The following ADARB2 variants were observed in gnomAD, a reference collection of about 807,000 sequenced individuals.
ADARB2 encodes the protein adenosine deaminase RNA specific B2 (inactive).
A neutral mutation model predicts 62.2 loss-of-function variants in ADARB2; 25 were observed. That is an observed-to-expected ratio of 0.40 (90% confidence interval 0.29 to 0.56). The LOEUF (loss-of-function observed/expected upper bound fraction) is 0.56, where lower values mean the gene tolerates loss of function less well. Among genes scored for constraint, ADARB2 ranks in the 20% least tolerant of loss-of-function variants. ADARB2 has a pLI of 0.43. For missense variants in ADARB2, 1,071 were observed against 1,077.4 expected (o/e 0.99, Z 0.08); for synonymous variants, 572 against 500.8 (o/e 1.14, Z -1.90).
At chr10:1,679,094 A>T (rs1834504726) in intron 1 of ADARB2, among the ~76,000 whole-genome samples, 2 of 152,190 alleles carry the variant, frequency 1.3e-5, no homozygotes, top group Non-Finnish European at 2.9e-5. Flanking sequence ...CCATTTCCAG[A>T]GAGGCAGCTT....
intron 1 of ADARB2, among the ~76,000 whole-genome samples, chr10:1,665,883 C>T (rs919858935): frequency 1.3e-5 from 2 of 152,146 alleles, no homozygotes; most frequent in Non-Finnish European, 1.5e-5. Context: ...GCCTCCAGGC[C>T]CACAGTAAAT....
intron 1 of ADARB2, among the ~76,000 whole-genome samples, chr10:1,522,774 A>G (rs1348298024): frequency 6.6e-6 from 1 of 152,088 alleles, no homozygotes; most frequent in African/African-American, 2.4e-5. Context: ...AGACTGTTGC[A>G]CTTCTACTTC....
chr10:1,234,515 A>C (rs887573105), intron 5 of ADARB2, among the ~76,000 whole-genome samples: 29 of 151,604 alleles, frequency 1.9e-4, no homozygotes, highest in Non-Finnish European at 3.1e-4. Flanking sequence ...ATCACGGCTC[A>C]CTGTAGCCTC....
rs763862208 is a variant in ADARB2, at chr10:1,737,056, C to T, written c.95G>A (p.Arg32Gln). ...GCGCGCCACGCGGTCCTTACCTTTCCGCTTGGACCTCCGCCTCCTCCTCCT... is the reference window on the plus strand; with the variant it reads ...GCGCGCCACGCGGTCCTTACCTTTCTGCTTGGACCTCCGCCTCCTCCTCCT... ...SKRRRRRRSK[R>Q]KDKVSILSTF... The change falls in exon 1 of 10, where the codon CGG (arginine) becomes CAG (glutamine). Residue 32 changes from arginine (R) to glutamine (Q), a missense_variant. By Grantham distance (43) the Arg-to-Gln change is conservative (BLOSUM62 1). Coordinates refer to ENST00000381312, the MANE Select transcript of ADARB2 (RefSeq NM_018702.4). 2.5e-6 allele frequency: 4 copies of T among 1,611,204 alleles called. No homozygotes were observed. The highest frequency in any genetic ancestry group is 3.4e-6 in the Non-Finnish European group (4 of 1,179,910).
At chr10:1,663,022 G>C (rs573019189) in intron 1 of ADARB2, among the ~76,000 whole-genome samples, 225 of 152,350 alleles carry the variant, frequency 1.5e-3, no homozygotes, top group African/African-American at 5.1e-3. Context: ...CTAAATTTAA[G>C]TCCAGTGGAT....
At chr10:1,373,796 ACCTTTCCTAGTGAGACCGCGTGGACTCCG>A (rs1832396211) in intron 2 of ADARB2, among the ~76,000 whole-genome samples, 1 of 81,668 alleles carries the variant, frequency 1.2e-5, no homozygotes, top group South Asian at 4.3e-4. Context: ...GACTCCGCGC[ACCTTTCCTAGTGAGACCGCGTGGACTCCG>A]CGCACCCTTC....
At chr10:1,675,512 G>A (rs1834455714) in intron 1 of ADARB2, 1 of 950,442 alleles carries the variant, frequency 1.1e-6, no homozygotes. Context: ...TTGGGTTTGG[G>A]GATGCGTGGA....
At chr10:1,553,920 A>T (rs1401444906) in intron 1 of ADARB2, among the ~76,000 whole-genome samples, 2 of 152,310 alleles carry the variant, frequency 1.3e-5, no homozygotes, top group Admixed American at 1.3e-4. Flanking sequence ...AACCGGTAGA[A>T]TTCTAAAATT....
At chr10:1,596,699 G>A (rs984679074) in intron 1 of ADARB2, among the ~76,000 whole-genome samples, 3 of 152,192 alleles carry the variant, frequency 2.0e-5, no homozygotes, top group East Asian at 1.9e-4. Context: ...GGTGTCACCC[G>A]GCCATGAGCC....
At chr10:1,566,729 C>T (rs1832865579) in intron 1 of ADARB2, among the ~76,000 whole-genome samples, 1 of 151,966 alleles carries the variant, frequency 6.6e-6, no homozygotes, top group Admixed American at 6.6e-5. Flanking sequence ...TTTAGTTTTA[C>T]ATATCCTGTT....
At chr10:1,329,734 C>T (rs1428849464) in intron 3 of ADARB2, among the ~76,000 whole-genome samples, 2 of 152,130 alleles carry the variant, frequency 1.3e-5, no homozygotes, top group Admixed American at 1.3e-4. Flanking sequence ...AGGCACTGGT[C>T]CCTGATTCTG....
chr10:1,707,192 C>G (rs1458316195), intron 1 of ADARB2, among the ~76,000 whole-genome samples: 1 of 152,268 alleles, frequency 6.6e-6, no homozygotes, highest in Non-Finnish European at 1.5e-5. Context: ...TGCACCGGCG[C>G]ACAGCTCAGC....
intron 3 of ADARB2, among the ~76,000 whole-genome samples, chr10:1,355,849 A>C (rs963361106): frequency 2.0e-5 from 3 of 152,260 alleles, no homozygotes; most frequent in Non-Finnish European, 2.9e-5. Context: ...TATGCTGTAC[A>C]TTGTATATAT....
At chr10:1,257,665 G>A (rs771767786) in intron 4 of ADARB2, among the ~76,000 whole-genome samples, 3 of 152,244 alleles carry the variant, frequency 2.0e-5, no homozygotes, top group Non-Finnish European at 4.4e-5. Context: ...AGAGAGGTGC[G>A]GAGAGAGGAA....
chr10:1,729,402 C>T (rs948314870), intron 1 of ADARB2, among the ~76,000 whole-genome samples: 1 of 152,174 alleles, frequency 6.6e-6, no homozygotes, highest in African/African-American at 2.4e-5. Flanking sequence ...AAGAATGTGG[C>T]TATTTTCACA....
At chr10:1,533,493 C>T (rs1261323479) in intron 1 of ADARB2, among the ~76,000 whole-genome samples, 3 of 151,936 alleles carry the variant, frequency 2.0e-5, no homozygotes, top group South Asian at 2.1e-4. Flanking sequence ...TTGCCACGTG[C>T]GAGTCCCCCT....
chr10:1,232,893 G>A (rs1195758794), intron 6 of ADARB2, among the ~76,000 whole-genome samples: 1 of 151,134 alleles, frequency 6.6e-6, no homozygotes, highest in Non-Finnish European at 1.5e-5. Context: ...GTATGTGTGT[G>A]GTGTGTGTGG....
chr10:1,603,162 TTAACACACACACACCTGTACACACA>T (rs1833448925), intron 1 of ADARB2, among the ~76,000 whole-genome samples: 1 of 86,222 alleles, frequency 1.2e-5, no homozygotes, highest in East Asian at 5.4e-4. Flanking sequence ...TGTACACACA[TTAACACACACACACCTGTACACACA>T]TTCACACATG....
intron 1 of ADARB2, among the ~76,000 whole-genome samples, chr10:1,540,763 A>G (rs141555417): frequency 0.13 from 3,088 of 23,174 alleles, 743 homozygotes; most frequent in African/African-American, 0.24. Context: ...GATCACAGCC[A>G]TCCAGACCCC....
Sources: allele counts gnomAD v4.1 joint callset (sites outside exome capture counted in the v4.1 genomes callset), GRCh38; gene constraint gnomAD v4.1.1; transcripts MANE v1.5; gene names NCBI Gene and HGNC (gene_info 2026-07-23, HGNC 2026-07-21).